CHIT1: variants seen among roughly 807,000 people sequenced by gnomAD.
CHIT1 encodes chitotriosidase-1.
In CHIT1, 47 loss-of-function variants were observed where a neutral mutation model predicts 52.0. That is an observed-to-expected ratio of 0.90 (90% CI 0.71 to 1.15). The LOEUF (loss-of-function observed/expected upper bound fraction) is 1.15. Among genes scored for constraint, CHIT1 ranks in the 50% most tolerant of loss-of-function variants. The pLI, the probability that CHIT1 is intolerant of heterozygous loss-of-function variation, is 0.00. For missense variants in CHIT1, 569 were observed against 583.0 expected (o/e 0.98, Z 0.25); for synonymous variants, 242 against 228.2 (o/e 1.06, Z -0.54).
At chr1:203,228,654 GA>G in intron 1 of CHIT1, 92 bp from the exon 2 acceptor site, 1 of 1,400,376 alleles carries the variant, frequency 7.1e-7, no homozygotes, top group Non-Finnish European at 9.9e-7. Context: ...GGTGGTCAGG[GA>G]GGGCTGATTT....
intron 7 of CHIT1, among the ~76,000 whole-genome samples, chr1:203,220,109 CT>C (rs1420764985): frequency 6.6e-6 from 1 of 152,180 alleles, no homozygotes; most frequent in Non-Finnish European, 1.5e-5. Context: ...CAAATGTGTA[CT>C]GATGGCCCAC....
chr1:203,217,665 G>A, intron 10 of CHIT1, 74 bp downstream of exon 10: 2 of 1,610,512 alleles, frequency 1.2e-6, no homozygotes, highest in East Asian at 4.5e-5. Context: ...GGGACCTACA[G>A]TTCATTGGAT....
chr1:203,223,218 C>T lies in CHIT1; in HGVS notation c.522G>A (p.Gly174=), dbSNP rs1656803009. The change falls in exon 6 of 11, where the codon GGG becomes GGA. Residue 174 remains glycine, a synonymous_variant. Transcript: ENST00000367229. ...NAFQQEAQTS[G]KERLLLSAAV... ...CTGCACTCAGAAGAAGGCGTTCCTT[C>T]CCTGAGGTCTGGGCTTCCTGCTGGA... The T allele has an allele frequency of 1.2e-6, 2 of 1,614,226 alleles. No homozygotes were observed. The highest frequency in any genetic ancestry group is 1.1e-5 in the South Asian group (1 of 91,086).
Position 203,225,650 on chromosome 1 carries a change from C to T in CHIT1, c.257+19G>A, listed in dbSNP as rs1274861822. On this transcript the variant is annotated intron_variant, in intron 3 of 10. Transcript: ENST00000367229. The stretch of plus-strand genomic sequence containing the variant: ...ACCCCACCACATCCCACCCACCCTG[C>T]TCCTCTGCTTTGGCTCACATCTTCT... The T allele has an allele frequency of 3.1e-6, 5 of 1,610,908 alleles. No homozygotes were observed. In the Admixed American group the frequency reaches 6.7e-5, roughly 21 times the overall value.
At position 203,216,667 on chromosome 1, in the gene CHIT1, G is replaced by C. The variant is rs190314771; in HGVS notation, c.*222C>G. 1.7e-5 allele frequency: 11 copies of C among 655,328 alleles called. No individual in the cohort carries two copies. In the Admixed American group the frequency reaches 2.1e-4, roughly 12 times the overall value. 40.6% of individuals were successfully genotyped at this position (655,328 alleles called of 1,614,324 possible). On this transcript the variant is annotated 3_prime_UTR_variant, in exon 11 of 11. Transcript: ENST00000367229. ...GCCTCTTAAGTCACCACATCTTTGG[G>C]AAGAGGGGCACAAACCAAAGATTTA...
intron 9 of CHIT1, among the ~76,000 whole-genome samples, chr1:203,218,284 A>G (rs1025321177): frequency 2.6e-5 from 4 of 152,178 alleles, no homozygotes; most frequent in Admixed American, 2.6e-4. Context: ...GATCTCAATC[A>G]AGGCTTGCTT....
At position 203,223,553 on chromosome 1, in the gene CHIT1, T is replaced by G. The variant is rs183706407; in HGVS notation, c.422A>C (p.Tyr141Ser). ...SFDGLDLDWE[Y>S]PGSQGSPAVD... ...GGCAGGGCTCCCCTGGCTTCCTGGG[T>G]ACTCCCAGTCAAGGTCAAGGCCGTC... The change falls in exon 5 of 11, where the codon TAC (tyrosine) becomes TCC (serine). Residue 141 changes from tyrosine (Y) to serine (S), a missense_variant. Coordinates refer to ENST00000367229, the MANE Select transcript of CHIT1 (RefSeq NM_003465.3). 1,321 of 1,614,162 alleles carry G rather than the reference T, an allele frequency of 8.2e-4. 11 individuals are homozygous for G. In the African/African-American group the frequency reaches 0.016, roughly 19 times the overall value.
In CHIT1 at chr1:203,217,735, T is replaced by G; in HGVS notation, c.1156+4A>C. ...CCACCACTGGCCCTGGGCCCCTTAC[T>G]TACTCAGTTCCTGCCGTAGCGTCTG... On this transcript the variant is annotated splice_donor_region_variant and intron_variant, in intron 10 of 10. Coordinates refer to ENST00000367229, the MANE Select transcript of CHIT1 (RefSeq NM_003465.3). 1.2e-6 allele frequency: 2 copies of G among 1,613,590 alleles called. No individual in the cohort carries two copies. The highest frequency in any genetic ancestry group is 1.7e-6 in the Non-Finnish European group (2 of 1,179,868).
upstream of CHIT1, chr1:203,230,050 C>A (rs1230641288): frequency 2.5e-5 from 7 of 279,638 alleles, no homozygotes; most frequent in African/African-American, 1.3e-4. Context: ...AGCTCTCTTG[C>A]TTCTCCACTG....
At position 203,222,308 on chromosome 1, in the gene CHIT1, T is replaced by C. The variant is rs747015261; in HGVS notation, c.623A>G (p.Asn208Ser). The C allele has an allele frequency of 9.3e-6, 15 of 1,614,000 alleles. No individual in the cohort carries two copies. Among genetic ancestry groups the C allele is most frequent in the Non-Finnish European group, 1.3e-5 (15 of 1,180,022 alleles). ...GCCATGGAAGTCGTAGGCCATAAGG[T>C]TGACAAAATCCAGGTTCCTGCAGGA... Reference protein sequence around the residue: ...DKIAQNLDFVNLMAYDFHGSW... With the variant: ...DKIAQNLDFVSLMAYDFHGSW... Residue 208 changes from asparagine (N) to serine (S), a missense_variant, in exon 7 of 11, where the codon AAC becomes AGC. Physicochemically the swap from Asn to Ser is conservative, Grantham distance 46 (BLOSUM62 1). Coordinates refer to ENST00000367229, the MANE Select transcript of CHIT1 (RefSeq NM_003465.3).
In CHIT1 at chr1:203,216,933, C is replaced by A. The variant is rs1302024185; in HGVS notation, c.1357G>T (p.Gly453Cys). 1 of 1,614,238 alleles carries A rather than the reference C, an allele frequency of 6.2e-7. No individual in the cohort carries two copies. Among genetic ancestry groups the A allele is most frequent in the Non-Finnish European group, 8.5e-7 (1 of 1,180,032 alleles). Reference protein sequence around the residue: ...GRLFQQSCPTGLVFSNSCKCC... With the variant: ...GRLFQQSCPTCLVFSNSCKCC... ...TTGCAGGAGTTGCTGAACACCAGGC[C>A]TGTCGGGCAGCTTTGCTGGAACAGC... The change falls in exon 11 of 11, where the codon GGC becomes TGC. Residue 453 changes from glycine (G) to cysteine (C), a missense_variant. Transcript: ENST00000367229.
chr1:203,223,193 C>A lies in CHIT1; in HGVS notation c.547G>T (p.Ala183Ser). The change falls in exon 6 of 11, where the codon GCG becomes TCG. Residue 183 changes from alanine to serine, a missense_variant. Transcript: ENST00000367229. Reference protein sequence around the residue: ...SGKERLLLSAAVPAGQTYVDA... With the variant: ...SGKERLLLSASVPAGQTYVDA... ...ACATAGGTCTGCCCAGCTGGAACCG[C>A]TGCACTCAGAAGAAGGCGTTCCTTC... 1 of 1,614,224 alleles carries A rather than the reference C, an allele frequency of 6.2e-7. No individual in the cohort carries two copies.
chr1:203,220,862 A>G (rs933160046), intron 7 of CHIT1, among the ~76,000 whole-genome samples: 66 of 152,222 alleles, frequency 4.3e-4, no homozygotes, highest in African/African-American at 1.4e-3. Flanking sequence ...CCCCGGGCAC[A>G]CTGTGTGGTG....
Position 203,228,574 on chromosome 1 carries a change from C to A in CHIT1, c.26-12G>T. 1 of 1,581,722 alleles carries A rather than the reference C, an allele frequency of 6.3e-7. No individual in the cohort carries two copies. Among genetic ancestry groups the A allele is most frequent in the South Asian group, 1.2e-5 (1 of 86,928 alleles). Reference sequence around the variant, plus strand: ...CAGGACCATGAAACCTGGAGCAACACAAGAGAGAAGGCCAGGGTTATGCTG... The same window carrying A: ...CAGGACCATGAAACCTGGAGCAACAAAAGAGAGAAGGCCAGGGTTATGCTG... On this transcript the variant is annotated splice_polypyrimidine_tract_variant and intron_variant, in intron 1 of 10. Coordinates refer to ENST00000367229, the MANE Select transcript of CHIT1 (RefSeq NM_003465.3).
chr1:203,225,869 G>T lies in CHIT1; in HGVS notation c.57C>A (p.Gly19=), dbSNP rs1317422503. The T allele has an allele frequency of 9.9e-6, 16 of 1,614,182 alleles. No homozygotes were observed. Among genetic ancestry groups the T allele is most frequent in the Non-Finnish European group, 1.4e-5 (16 of 1,180,030 alleles). Reference sequence around the variant, plus strand: ...AGTAGCAGACCAGTTTTGCAGCAGAGCCTGGCCCGTTGGAGTAAAGAAAAG... The same window carrying T: ...AGTAGCAGACCAGTTTTGCAGCAGATCCTGGCCCGTTGGAGTAAAGAAAAG... ...GFMVLLMIPW[G]SAAKLVCYFT... The change falls in exon 3 of 11, where the codon GGC becomes GGA. Residue 19 remains glycine (G), a splice_region_variant and synonymous_variant. Transcript: ENST00000367229.
chr1:203,219,320 A>C lies in CHIT1; in HGVS notation c.925T>G (p.Trp309Gly). ...GMLAYYEVCS[W>G]KGATKQRIQD... ...ATTCTCTGTTTGGTGGCCCCCTTCC[A>C]GGAGCAGACCTGTGGGAGCAGAAGG... Residue 309 changes from tryptophan (W) to glycine (G), a missense_variant, in exon 9 of 11, where the codon TGG (tryptophan) becomes GGG (glycine). Transcript: ENST00000367229. 3 of 1,600,924 alleles carry C rather than the reference A, an allele frequency of 1.9e-6. No individual in the cohort carries two copies. Among genetic ancestry groups the C allele is most frequent in the Non-Finnish European group, 2.6e-6 (3 of 1,167,982 alleles).
In CHIT1 at chr1:203,225,730, G is replaced by T; in HGVS notation, c.196C>A (p.Leu66Met). ...TCGTCATTCCACTCAGTGGTGCTCA[G>T]CTGGTGGTTGGTCATGCCAGCGAAG... ...YAFAGMTNHQ[L>M]STTEWNDETL... The change falls in exon 3 of 11, where the codon CTG becomes ATG. Residue 66 changes from leucine to methionine, a missense_variant. Leu to Met is a conservative substitution (Grantham distance 15). Coordinates refer to ENST00000367229, the MANE Select transcript of CHIT1 (RefSeq NM_003465.3). 1 of 1,614,192 alleles carries T rather than the reference G, an allele frequency of 6.2e-7. No individual in the cohort carries two copies. The highest frequency in any genetic ancestry group is 8.5e-7 in the Non-Finnish European group (1 of 1,180,036).
chr1:203,225,580 C>G (rs1038316200), intron 3 of CHIT1, 89 bp downstream of exon 3: 2 of 1,341,684 alleles, frequency 1.5e-6, no homozygotes, highest in Admixed American at 3.5e-5. Context: ...GTGGCAGGAC[C>G]TTAGTGCTGG....
In CHIT1 at chr1:203,216,157, A is replaced by G. The variant is rs561096298; in HGVS notation, c.*732T>C. On this transcript the variant is annotated 3_prime_UTR_variant, in exon 11 of 11. Coordinates refer to ENST00000367229, the MANE Select transcript of CHIT1 (RefSeq NM_003465.3). ...CATTTCAGGCCTTGGTTCTGGACTC[A>G]GAATTGGTTAGAATCAGTCTTCAGT... The G allele has an allele frequency of 2.2e-6, 1 of 454,148 alleles. No homozygotes were observed. The highest frequency in any genetic ancestry group is 2.3e-5 in the Admixed American group (1 of 42,584). 28.1% of individuals were successfully genotyped at this position (454,148 alleles called of 1,614,324 possible).
Sources: allele counts gnomAD v4.1 joint callset (sites outside exome capture counted in the v4.1 genomes callset), GRCh38; gene constraint gnomAD v4.1.1; transcripts MANE v1.5; gene names NCBI Gene and HGNC (gene_info 2026-07-23, HGNC 2026-07-21).